Variants in RNASET2 observed in about 807,000 individuals in gnomAD.
The protein encoded by RNASET2 is ribonuclease T2.
RNASET2 carries 28 observed loss-of-function variants against 33.9 expected under a neutral mutation model. That is an observed-to-expected ratio of 0.83 (90% CI 0.61 to 1.13). The LOEUF is 1.13. Ranked by LOEUF, RNASET2 falls within the 50% of genes most tolerant of loss-of-function variation. The pLI is 0.00. For synonymous variants in RNASET2, 123 were observed against 121.0 expected (o/e 1.02, Z -0.11); for missense variants, 330 against 319.9 (o/e 1.03, Z -0.24).
rs1778269413 is a variant in RNASET2, at chr6:166,923,996, C to T, written c.*5592G>A. On this transcript the variant is annotated 3_prime_UTR_variant, in exon 9 of 9. Transcript: ENST00000508775. ...TTATTTTTATTCCTGATCCAAAGTT[C>T]GCAGAAACAAAAAGTGAAAACAGGC... 6.6e-6 allele frequency among the ~76,000 whole-genome samples: 1 copy of T among 152,198 alleles called. No homozygotes were observed. Among genetic ancestry groups the T allele is most frequent in the South Asian group, 2.1e-4 (1 of 4,832 alleles).
chr6:166,944,447 C>G (rs1778777360), intron 4 of RNASET2, among the ~76,000 whole-genome samples: 3 of 151,730 alleles, frequency 2.0e-5, no homozygotes, highest in African/African-American at 7.3e-5. Context: ...GTGGGCGCAG[C>G]TCTGTCCCCC....
rs527464497 is a variant in RNASET2 at position 166,927,070 on chromosome 6, G to A, written c.*2518C>T. On this transcript the variant is annotated 3_prime_UTR_variant, in exon 9 of 9. Transcript: ENST00000508775. ...TGGGAGGCATTTCTCAGTCACCTCC[G>A]CCCAGTTACAGCGAGAACCGTGTGG... Among the ~76,000 whole-genome samples the A allele has an allele frequency of 7.3e-4, 111 of 152,286 alleles. No individual in the cohort carries two copies. Among genetic ancestry groups the A allele is most frequent in the African/African-American group, 2.4e-3 (101 of 41,556 alleles).
At chr6:166,939,481 C>T (rs536417252) in intron 5 of RNASET2, among the ~76,000 whole-genome samples, 2 of 152,310 alleles carry the variant, frequency 1.3e-5, no homozygotes, top group South Asian at 4.1e-4. Flanking sequence ...TTATTTCAAT[C>T]CCCCACGATT....
chr6:166,926,266 G>A lies in RNASET2; in HGVS notation c.*3322C>T, dbSNP rs933926300. On this transcript the variant is annotated 3_prime_UTR_variant, in exon 9 of 9. Coordinates refer to ENST00000508775, the MANE Select transcript of RNASET2 (RefSeq NM_003730.6). Reference sequence around the variant, plus strand: ...AAGATAAGATACCTGGGCCAGGCGCGGTGGCTCACACCTATAATCCTAGCA... The same window carrying A: ...AAGATAAGATACCTGGGCCAGGCGCAGTGGCTCACACCTATAATCCTAGCA... 3.3e-5 allele frequency among the ~76,000 whole-genome samples: 5 copies of A among 151,714 alleles called. No homozygotes were observed. The highest frequency in any genetic ancestry group is 7.3e-5 in the African/African-American group (3 of 41,286).
At position 166,956,381 on chromosome 6, in the gene RNASET2, G is replaced by T; in HGVS notation, c.-199C>A. On this transcript the variant is annotated 5_prime_UTR_variant, in exon 1 of 9. Transcript: ENST00000508775. ...CAGTATCTCGCGGGCCCCGCGCCGGGCTCCGGGAATGGCCGCAGCAGCCCT... is the reference window on the plus strand; with the variant it reads ...CAGTATCTCGCGGGCCCCGCGCCGGTCTCCGGGAATGGCCGCAGCAGCCCT... The T allele has an allele frequency of 1.7e-6, 1 of 599,870 alleles. No individual in the cohort carries two copies. The allele number at this position is 599,870 out of a possible 1,614,324, so 37.2% of individuals were successfully genotyped here.
At chr6:166,931,205 G>C in intron 7 of RNASET2, 87 bp from the exon 8 acceptor site, 2 of 970,486 alleles carry the variant, frequency 2.1e-6, no homozygotes. Context: ...AACAGTGGCA[G>C]GGTCCTGGTC....
At chr6:166,955,958 G>A in intron 1 of RNASET2, 139 bp downstream of exon 1, 2 of 1,090,998 alleles carry the variant, frequency 1.8e-6, no homozygotes, top group South Asian at 1.5e-5. Flanking sequence ...ACCCCGGAGC[G>A]TGCTCGGCTC....
At position 166,925,539 on chromosome 6, in the gene RNASET2, A is replaced by G. The variant is rs1458631950; in HGVS notation, c.*4049T>C. Reference sequence around the variant, plus strand: ...GGTCCAGCCCTTGCCTCCCCCGTCCAGCCCTCACCTCCATCATGCAGCCAC... The same window carrying G: ...GGTCCAGCCCTTGCCTCCCCCGTCCGGCCCTCACCTCCATCATGCAGCCAC... On this transcript the variant is annotated 3_prime_UTR_variant, in exon 9 of 9. Coordinates refer to ENST00000508775, the MANE Select transcript of RNASET2 (RefSeq NM_003730.6). 6.6e-6 allele frequency among the ~76,000 whole-genome samples: 1 copy of G among 151,888 alleles called. No homozygotes were observed. Among genetic ancestry groups the G allele is most frequent in the African/African-American group, 2.4e-5 (1 of 41,330 alleles).
intron 2 of RNASET2, among the ~76,000 whole-genome samples, chr6:166,950,484 G>A (rs1316157465): frequency 6.6e-6 from 1 of 152,234 alleles, no homozygotes; most frequent in Non-Finnish European, 1.5e-5. Context: ...AAATCAGTGA[G>A]GAAGTAGAAG....
At chr6:166,935,696 GAC>G (rs1305541664) in intron 6 of RNASET2, among the ~76,000 whole-genome samples, 9 of 152,114 alleles carry the variant, frequency 5.9e-5, no homozygotes, top group Middle Eastern at 3.4e-3. Flanking sequence ...TTATTTTTTT[GAC>G]ACAGAGTCTT....
chr6:166,949,500 C>CAAAAAAAAAAA (rs61621125), intron 2 of RNASET2, among the ~76,000 whole-genome samples: 4 of 44,396 alleles, frequency 9.0e-5, no homozygotes, highest in Non-Finnish European at 1.3e-4. Context: ...GACTCCATCT[C>CAAAAAAAAAAA]AAAAAAAAAA....
rs1779165452 is a variant in RNASET2, at chr6:166,956,304, C to T, written c.-122G>A. 2.0e-6 allele frequency: 2 copies of T among 979,668 alleles called. No individual in the cohort carries two copies. The highest frequency in any genetic ancestry group is 1.6e-5 in the African/African-American group (1 of 62,202). The allele number at this position is 979,668 out of a possible 1,614,324, so 60.7% of individuals were successfully genotyped here. Reference sequence around the variant, plus strand: ...GAGCCCCCGCGCCGCCGCGCTCCCTCCGCTGCAGCAGCGGCCACCGGGTGC... The same window carrying T: ...GAGCCCCCGCGCCGCCGCGCTCCCTTCGCTGCAGCAGCGGCCACCGGGTGC... On this transcript the variant is annotated 5_prime_UTR_variant, in exon 1 of 9. Coordinates refer to ENST00000508775, the MANE Select transcript of RNASET2 (RefSeq NM_003730.6).
At chr6:166,936,651 C>T (rs2128644921) in intron 6 of RNASET2, among the ~76,000 whole-genome samples, 1 of 152,288 alleles carries the variant, frequency 6.6e-6, no homozygotes, top group African/African-American at 2.4e-5. Context: ...TGGGAACTCG[C>T]TCACCCCTGC....
Position 166,927,713 on chromosome 6 carries a change from C to CAAAAAAAAAA in RNASET2, c.*1865_*1874dup, listed in dbSNP as rs58837223. 1.5e-3 allele frequency among the ~76,000 whole-genome samples: 70 copies of CAAAAAAAAAA among 47,312 alleles called. No individual in the cohort carries two copies. Among genetic ancestry groups the CAAAAAAAAAA allele is most frequent in the African/African-American group, 4.1e-3 (48 of 11,654 alleles). The allele number at this position is 47,312 out of a possible 152,430, so 31.0% of individuals were successfully genotyped here. On this transcript the variant is annotated 3_prime_UTR_variant, in exon 9 of 9. Coordinates refer to ENST00000508775, the MANE Select transcript of RNASET2 (RefSeq NM_003730.6). ...TGATCCCTGTGTTCGCAAAATGACT[C>CAAAAAAAAAA]AAAAAAAAAAAAAAAAAAAAAAAGA...
intron 1 of RNASET2, 52 bp downstream of exon 1, chr6:166,956,045 G>T: frequency 6.6e-7 from 1 of 1,510,974 alleles, no homozygotes; most frequent in Non-Finnish European, 9.0e-7. Context: ...CCAGTGGAAA[G>T]CTCTAGGGCC....
chr6:166,935,413 T>C (rs1277651917), intron 6 of RNASET2, among the ~76,000 whole-genome samples: 1 of 152,168 alleles, frequency 6.6e-6, no homozygotes, highest in African/African-American at 2.4e-5. Context: ...TTGGGTAGCA[T>C]GCTCCTGACT....
Position 166,956,217 on chromosome 6 carries a change from C to G in RNASET2, c.-35G>C, listed in dbSNP as rs908054361. 10 of 1,527,166 alleles carry G rather than the reference C, an allele frequency of 6.5e-6. No individual in the cohort carries two copies. The highest frequency in any genetic ancestry group is 3.6e-5 in the South Asian group (3 of 83,466). 94.6% of individuals were successfully genotyped at this position (1,527,166 alleles called of 1,614,324 possible). A position where few individuals can be genotyped will look rare whatever the true frequency, so the allele number is the denominator to read the frequency against. ...CTGCGGAGAGAACGCTGCCAGCTGC[C>G]GCTCCGGCTCCCACTTCCCACCTGC... On this transcript the variant is annotated 5_prime_UTR_variant, in exon 1 of 9. Coordinates refer to ENST00000508775, the MANE Select transcript of RNASET2 (RefSeq NM_003730.6).
At chr6:166,937,862 C>T (rs916444004) in intron 6 of RNASET2, among the ~76,000 whole-genome samples, 7 of 152,160 alleles carry the variant, frequency 4.6e-5, no homozygotes, top group East Asian at 1.9e-4. Flanking sequence ...CCCCGCTAAC[C>T]GTGCCAAGCC....
At position 166,931,108 on chromosome 6, in the gene RNASET2, A is replaced by G; in HGVS notation, c.503T>C (p.Phe168Ser). ...ATATACTCTGGCAAGGGCATCTTTA[A>G]AATCTGCAACCTGATTTTAAATACA... is the stretch of plus-strand genomic sequence containing the variant. ...PSINYYQVADFKDALARVYGV... is the reference protein window; with the variant it reads ...PSINYYQVADSKDALARVYGV... The change falls in exon 8 of 9, where the codon TTT becomes TCT. Residue 168 changes from phenylalanine (F) to serine (S), a missense_variant. By Grantham distance (155) the Phe-to-Ser change is radical. Coordinates refer to ENST00000508775, the MANE Select transcript of RNASET2 (RefSeq NM_003730.6). 6.2e-7 allele frequency: 1 copy of G among 1,607,220 alleles called. No homozygotes were observed. Among genetic ancestry groups the G allele is most frequent in the East Asian group, 2.2e-5 (1 of 44,866 alleles).
Sources: gnomAD v4.1 joint callset for allele counts (sites outside exome capture counted in the v4.1 genomes callset) on GRCh38, gnomAD v4.1.1 for gene constraint, MANE v1.5 for transcripts, NCBI Gene and HGNC (gene_info 2026-07-23, HGNC 2026-07-21) for gene names.